ADARB2: variants seen among roughly 807,000 people sequenced by gnomAD.
The protein encoded by ADARB2 is inactive double-stranded RNA-specific editase B2.
A neutral mutation model predicts 62.2 loss-of-function variants in ADARB2; 25 were observed. That is an observed-to-expected ratio of 0.40 (90% CI 0.29 to 0.56). The LOEUF is 0.56. Ranked by LOEUF, ADARB2 falls within the 20% of genes least tolerant of loss-of-function variation. ADARB2 has a pLI of 0.43. For missense variants in ADARB2, 1,071 were observed against 1,077.4 expected (o/e 0.99, Z 0.08); for synonymous variants, 572 against 500.8 (o/e 1.14, Z -1.90).
At chr10:1,611,025 C>T (rs145400439) in intron 1 of ADARB2, among the ~76,000 whole-genome samples, 1 of 152,252 alleles carries the variant, frequency 6.6e-6, no homozygotes, top group Admixed American at 6.5e-5. Flanking sequence ...GTCCATACGA[C>T]GACATCAACG....
chr10:1,571,284 A>G (rs959669993), intron 1 of ADARB2, among the ~76,000 whole-genome samples: 1 of 149,158 alleles, frequency 6.7e-6, no homozygotes, highest in Admixed American at 6.6e-5. Flanking sequence ...ATCTATTTTT[A>G]CTTTTTTTTT....
At chr10:1,734,162 G>A (rs1407134633) in intron 1 of ADARB2, among the ~76,000 whole-genome samples, 2 of 152,038 alleles carry the variant, frequency 1.3e-5, no homozygotes, top group Non-Finnish European at 2.9e-5. Flanking sequence ...ACAACACTAG[G>A]TCCCAGTAAA....
At chr10:1,379,849 C>G (rs781031112) in intron 1 of ADARB2, among the ~76,000 whole-genome samples, 1 of 152,160 alleles carries the variant, frequency 6.6e-6, no homozygotes, top group Non-Finnish European at 1.5e-5. Flanking sequence ...GTGAGTGCAG[C>G]ACAGCTGTGG....
intron 1 of ADARB2, among the ~76,000 whole-genome samples, chr10:1,624,106 C>T (rs1294131006): frequency 6.6e-6 from 1 of 152,064 alleles, no homozygotes; most frequent in Non-Finnish European, 1.5e-5. Context: ...TGGTGGCACG[C>T]ACCTGTGGTC....
At chr10:1,279,609 C>A (rs921687195) in intron 3 of ADARB2, among the ~76,000 whole-genome samples, 1 of 152,204 alleles carries the variant, frequency 6.6e-6, no homozygotes, top group Non-Finnish European at 1.5e-5. Flanking sequence ...AGTCACCGTT[C>A]CTGGCCTGTG....
At chr10:1,257,692 C>T (rs1831092397) in intron 4 of ADARB2, among the ~76,000 whole-genome samples, 1 of 152,120 alleles carries the variant, frequency 6.6e-6, no homozygotes, top group Non-Finnish European at 1.5e-5. Flanking sequence ...GTTATAACAG[C>T]ATAGGGCAGG....
Position 1,363,786 on chromosome 10 carries a change from C to T in ADARB2, c.319G>A (p.Gly107Arg), listed in dbSNP as rs932107032. Reference protein sequence around the residue: ...KRKRPLEEGNGGHLCKLQLVW... With the variant: ...KRKRPLEEGNRGHLCKLQLVW... ...AGCTGCAGTTTGCACAAGTGGCCCC[C>T]ATTCCCCTCCTCCAGCGGCCGCTTC... Residue 107 changes from glycine to arginine, a missense_variant, in exon 3 of 10, where the codon GGG becomes AGG. Coordinates refer to ENST00000381312, the MANE Select transcript of ADARB2 (RefSeq NM_018702.4). 1.2e-6 allele frequency: 2 copies of T among 1,600,132 alleles called. No individual in the cohort carries two copies. Among genetic ancestry groups the T allele is most frequent in the African/African-American group, 1.3e-5 (1 of 74,730 alleles).
At chr10:1,570,806 T>C (rs1304120964) in intron 1 of ADARB2, among the ~76,000 whole-genome samples, 1 of 152,124 alleles carries the variant, frequency 6.6e-6, no homozygotes, top group South Asian at 2.1e-4. Flanking sequence ...GCGCTGGACC[T>C]GAGTGGGGAC....
At position 1,217,076 on chromosome 10, in the gene ADARB2, C is replaced by T. The variant is rs144626861; in HGVS notation, c.1557G>A (p.Leu519=). ...KHLVRKFRGH[L]RTKIESGEGT... ...CTTCCCCGGACTCGATCTTGGTGCGCAGGTGCCCGCGGAACTTCCTGACGA... is the reference window on the plus strand; with the variant it reads ...CTTCCCCGGACTCGATCTTGGTGCGTAGGTGCCCGCGGAACTTCCTGACGA... The change falls in exon 7 of 10, where the codon CTG becomes CTA. Residue 519 remains leucine (L), a synonymous_variant. Coordinates refer to ENST00000381312, the MANE Select transcript of ADARB2 (RefSeq NM_018702.4). 35 of 1,607,492 alleles carry T rather than the reference C, an allele frequency of 2.2e-5. No individual in the cohort carries two copies. The African/African-American group carries it at 4.4e-4, about 20-fold the overall frequency.
rs559880515 is a variant in ADARB2, at chr10:1,683,946, A to T, written c.100+53105T>A. ...GTGCCCTCTCAAAAGGACTGTGCAA[A>T]GGGTGGCTCCGGTGTGCGTGAAAGA... On this transcript the variant is annotated intron_variant, in intron 1 of 9. Transcript: ENST00000381312. 2.6e-5 allele frequency among the ~76,000 whole-genome samples: 4 copies of T among 152,348 alleles called. No homozygotes were observed. The South Asian group carries it at 8.3e-4, about 32-fold the overall frequency.
intron 1 of ADARB2, among the ~76,000 whole-genome samples, chr10:1,474,814 T>G (rs1446576560): frequency 2.0e-5 from 3 of 151,934 alleles, no homozygotes; most frequent in African/African-American, 7.3e-5. Context: ...GAAACGCCTG[T>G]GTAAGAGTGC....
At chr10:1,200,260 G>A (rs1201932666) in intron 7 of ADARB2, 113 bp from the exon 8 acceptor site, 1 of 1,414,748 alleles carries the variant, frequency 7.1e-7, no homozygotes, top group Non-Finnish European at 9.8e-7. Context: ...CCATCGTGCG[G>A]ACCTTGGGGA....
intron 1 of ADARB2, among the ~76,000 whole-genome samples, chr10:1,481,721 G>T (rs1467455880): frequency 6.6e-6 from 1 of 152,026 alleles, no homozygotes; most frequent in Non-Finnish European, 1.5e-5. Context: ...GCTGGGTATG[G>T]GGGCGGGTGC....
At chr10:1,654,264 A>T (rs1271348840) in intron 1 of ADARB2, among the ~76,000 whole-genome samples, 1 of 152,122 alleles carries the variant, frequency 6.6e-6, no homozygotes, top group East Asian at 1.9e-4. Context: ...TTTCAGGCTC[A>T]GCTTCAACAG....
chr10:1,434,709 G>A (rs1382167213), intron 1 of ADARB2, among the ~76,000 whole-genome samples: 1 of 152,168 alleles, frequency 6.6e-6, no homozygotes, highest in African/African-American at 2.4e-5. Context: ...TTTAGATGAC[G>A]TAAACTCACT....
Position 1,368,885 on chromosome 10 carries a change from C to CA in ADARB2, c.188-4969_188-4968insT, listed in dbSNP as rs1564271402. On this transcript the variant is annotated intron_variant, in intron 2 of 9. Coordinates refer to ENST00000381312, the MANE Select transcript of ADARB2 (RefSeq NM_018702.4). ...GCTCGCCCTGTGGCAGTCGTGGGGC[C>CA]GGGCTGGGTGAGGGTGGGGGCCGAG... 2.3e-3 allele frequency among the ~76,000 whole-genome samples: 335 copies of CA among 144,842 alleles called. 10 individuals are homozygous for CA. The highest frequency in any genetic ancestry group is 8.8e-3 in the African/African-American group (309 of 35,216).
At chr10:1,293,249 G>GGAGAGGGACAGAGGGAGGGAAGGAGGGA (rs1831492351) in intron 3 of ADARB2, among the ~76,000 whole-genome samples, 1 of 111,098 alleles carries the variant, frequency 9.0e-6, no homozygotes, top group African/African-American at 4.2e-5. Flanking sequence ...AGGGACGGGG[G>GGAGAGGGACAGAGGGAGGGAAGGAGGGA]GAGAGGGACA....
intron 4 of ADARB2, among the ~76,000 whole-genome samples, chr10:1,254,831 C>T (rs986184553): frequency 1.3e-5 from 2 of 152,234 alleles, no homozygotes; most frequent in African/African-American, 4.8e-5. Flanking sequence ...TAGGCATCTA[C>T]AAAGAAAACC....
intron 1 of ADARB2, among the ~76,000 whole-genome samples, chr10:1,474,345 G>A (rs1831370531): frequency 6.6e-6 from 1 of 152,230 alleles, no homozygotes. Flanking sequence ...GCAGTTTGGG[G>A]ATGAGCTTCC....
Sources: allele counts gnomAD v4.1 joint callset (sites outside exome capture counted in the v4.1 genomes callset), GRCh38; gene constraint gnomAD v4.1.1; transcripts MANE v1.5; gene names NCBI Gene and HGNC (gene_info 2026-07-23, HGNC 2026-07-21).